Variants in COL6A6 observed in about 807,000 individuals in gnomAD.
The protein encoded by COL6A6 is collagen alpha-6(VI) chain.
Under a neutral mutation model 208.6 loss-of-function variants are expected in COL6A6, and 183 were observed. The observed-to-expected ratio is 0.88, with a 90% CI of 0.78 to 0.99. COL6A6 has a LOEUF of 0.99. Among genes scored for constraint, COL6A6 ranks in the 50% least tolerant of loss-of-function variants. COL6A6 has a pLI of 0.00. For missense variants in COL6A6, 2,816 were observed against 2,815.2 expected (o/e 1.00, Z -0.01); for synonymous variants, 973 against 1,011.8 (o/e 0.96, Z 0.73).
intron 31 of COL6A6, among the ~76,000 whole-genome samples, chr3:130,643,605 A>G (rs2065380521): frequency 6.6e-6 from 1 of 152,240 alleles, no homozygotes; most frequent in Non-Finnish European, 1.5e-5. Context: ...AATGCTGATT[A>G]GAATTTGTTT....
intron 36 of COL6A6, among the ~76,000 whole-genome samples, chr3:130,668,850 A>G (rs2066140237): frequency 6.6e-6 from 1 of 152,252 alleles, no homozygotes; most frequent in South Asian, 2.1e-4. Context: ...ACAGACAAAA[A>G]TTAGTAATGA....
At chr3:130,578,384 C>A (rs2063343416) in intron 8 of COL6A6, among the ~76,000 whole-genome samples, 1 of 152,064 alleles carries the variant, frequency 6.6e-6, no homozygotes, top group Non-Finnish European at 1.5e-5. Context: ...GAAAACAGAG[C>A]CTGAAGCAGA....
chr3:130,622,198 C>T (rs574087319), intron 24 of COL6A6, among the ~76,000 whole-genome samples: 12 of 140,956 alleles, frequency 8.5e-5, no homozygotes, highest in African/African-American at 1.3e-4. Context: ...TTCCTCCCCC[C>T]GCCTACCCCC....
intron 28 of COL6A6, among the ~76,000 whole-genome samples, chr3:130,641,172 G>GC (rs1434698966): frequency 6.6e-6 from 1 of 151,100 alleles, no homozygotes; most frequent in Non-Finnish European, 1.5e-5. Flanking sequence ...ATTACCTGTT[G>GC]CCTATTGCAG....
intron 13 of COL6A6, among the ~76,000 whole-genome samples, 172 bp from the exon 14 acceptor site, chr3:130,592,369 A>G (rs61423061): frequency 0.039 from 5,954 of 152,306 alleles, 372 homozygotes; most frequent in African/African-American, 0.13. Context: ...AGGGCTGTCT[A>G]TCATCAGGGT....
At chr3:130,608,196 C>T (rs76271261) in intron 21 of COL6A6, among the ~76,000 whole-genome samples, 4 of 152,290 alleles carry the variant, frequency 2.6e-5, no homozygotes, top group Non-Finnish European at 4.4e-5. Context: ...GACTACAGCA[C>T]ATTTCAAGTT....
Position 130,610,653 on chromosome 3 carries a change from C to G in COL6A6, c.4757C>G (p.Pro1586Arg). The change falls in exon 23 of 37, where the codon CCA becomes CGA. Residue 1586 changes from proline (P) to arginine (R), a missense_variant. Pro to Arg is a moderately radical substitution (Grantham distance 103). Coordinates refer to ENST00000358511, the MANE Select transcript of COL6A6 (RefSeq NM_001102608.3). ...GCTTTAATTCTATGTACTTAGGGCCCAAGAGGAGAGGCTGGTGTGAAAGGA... is the reference window on the plus strand; with the variant it reads ...GCTTTAATTCTATGTACTTAGGGCCGAAGAGGAGAGGCTGGTGTGAAAGGA... ...GSLGLKGPQG[P>R]RGEAGVKGEK... 6.3e-7 allele frequency: 1 copy of G among 1,587,152 alleles called. No homozygotes were observed. Among genetic ancestry groups the G allele is most frequent in the Non-Finnish European group, 8.6e-7 (1 of 1,165,614 alleles).
At position 130,593,089 on chromosome 3, in the gene COL6A6, G is replaced by T; in HGVS notation, c.4400G>T (p.Gly1467Val). 1.9e-6 allele frequency: 3 copies of T among 1,613,688 alleles called. No individual in the cohort carries two copies. The highest frequency in any genetic ancestry group is 2.5e-6 in the Non-Finnish European group (3 of 1,179,610). ...GAAGTTGGGGAAAATGGAATTGACG[G>T]ATTAAACGGAGAACAGGTAGAGCCT... is the stretch of plus-strand genomic sequence containing the variant. ...EGEVGENGID[G>V]LNGEQGDNGL... Residue 1467 changes from glycine to valine, a missense_variant, in exon 16 of 37, where the codon GGA becomes GTA. Coordinates refer to ENST00000358511, the MANE Select transcript of COL6A6 (RefSeq NM_001102608.3).
rs369106407 is a variant in COL6A6, at chr3:130,599,955, G to T, written c.4653+145G>T. 1.3e-3 allele frequency: 926 copies of T among 730,144 alleles called. 5 individuals are homozygous for T. Among genetic ancestry groups the T allele is most frequent in the Middle Eastern group, 5.8e-3 (15 of 2,602 alleles). 45.2% of individuals were successfully genotyped at this position (730,144 alleles called of 1,614,324 possible). A position where few individuals can be genotyped will look rare whatever the true frequency, so the allele number is the denominator to read the frequency against. On this transcript the variant is annotated intron_variant, in intron 20 of 36. Transcript: ENST00000358511. ...TAACTTATGACATCTCGCAGACCAGGGCTGGCAAAGGACTTGGGAAAGCCC... is the reference window on the plus strand; with the variant it reads ...TAACTTATGACATCTCGCAGACCAGTGCTGGCAAAGGACTTGGGAAAGCCC...
At chr3:130,612,808 T>A (rs1466918947) in intron 23 of COL6A6, among the ~76,000 whole-genome samples, 1 of 152,196 alleles carries the variant, frequency 6.6e-6, no homozygotes, top group Non-Finnish European at 1.5e-5. Context: ...TTCTTATGCC[T>A]GCTGGCCATG....
chr3:130,601,958 G>GA lies in COL6A6; in HGVS notation c.4653+2154dup, dbSNP rs1300670687. On this transcript the variant is annotated intron_variant, in intron 20 of 36. Coordinates refer to ENST00000358511, the MANE Select transcript of COL6A6 (RefSeq NM_001102608.3). ...CTTCAAAACTAACTGCCATAGTCCTGAAAAAACTGGTGAGCAAAATCCAGG... is the reference window on the plus strand; with the variant it reads ...CTTCAAAACTAACTGCCATAGTCCTGAAAAAAACTGGTGAGCAAAATCCAGG... Among the ~76,000 whole-genome samples, 53 of 152,266 alleles carry GA rather than the reference G, an allele frequency of 3.5e-4. No homozygotes were observed. In the East Asian group the frequency reaches 4.6e-3, roughly 13 times the overall value.
chr3:130,555,601 T>C (rs2062750060), intron 1 of COL6A6, among the ~76,000 whole-genome samples: 1 of 152,226 alleles, frequency 6.6e-6, no homozygotes, highest in Non-Finnish European at 1.5e-5. Flanking sequence ...TTCCTAATTT[T>C]AAAGAGAATA....
At position 130,649,534 on chromosome 3, in the gene COL6A6, A is replaced by G; in HGVS notation, c.5705A>G (p.Asn1902Ser). ...EIIPVVITFS[N>S]VPSVRRAFAI... ...ATTCCCGTGGTGATCACTTTCAGCA[A>G]CGTGCCCTCGGTCAGGCGCGCATTT... is the stretch of plus-strand genomic sequence containing the variant. Residue 1902 changes from asparagine (N) to serine (S), a missense_variant, in exon 33 of 37, where the codon AAC becomes AGC. Asn to Ser is a conservative substitution (Grantham distance 46). Coordinates refer to ENST00000358511, the MANE Select transcript of COL6A6 (RefSeq NM_001102608.3). 2 of 1,597,874 alleles carry G rather than the reference A, an allele frequency of 1.3e-6. No individual in the cohort carries two copies. Among genetic ancestry groups the G allele is most frequent in the Non-Finnish European group, 1.7e-6 (2 of 1,171,620 alleles).
chr3:130,622,015 C>A, intron 24 of COL6A6, 132 bp downstream of exon 24: 1 of 704,864 alleles, frequency 1.4e-6, no homozygotes, highest in Non-Finnish European at 2.4e-6. Flanking sequence ...TGGCTTGATT[C>A]TTAGAGAGCC....
chr3:130,606,233 G>A (rs1370212024), intron 20 of COL6A6, among the ~76,000 whole-genome samples: 1 of 152,112 alleles, frequency 6.6e-6, no homozygotes, highest in Non-Finnish European at 1.5e-5. Context: ...AAATGTCATG[G>A]TCTCTTGATT....
chr3:130,610,480 A>G (rs2064322744), intron 22 of COL6A6, among the ~76,000 whole-genome samples, 169 bp from the exon 23 acceptor site: 1 of 152,210 alleles, frequency 6.6e-6, no homozygotes, highest in African/African-American at 2.4e-5. Context: ...ATATTCCTGC[A>G]CAAATGAGAA....
chr3:130,521,966 A>G lies in COL6A6; in HGVS notation c.-32+4569A>G, dbSNP rs144567206. The stretch of plus-strand genomic sequence containing the variant: ...CTCTGTCTCACTTCTCCACTCCTTT[A>G]CCAGGAGTTACCTCCCAAATAAACT... On this transcript the variant is annotated intron_variant, in intron 1 of 36. Coordinates refer to ENST00000358511, the MANE Select transcript of COL6A6 (RefSeq NM_001102608.3). 4.6e-5 allele frequency among the ~76,000 whole-genome samples: 7 copies of G among 152,152 alleles called. No individual in the cohort carries two copies. The East Asian group carries it at 1.4e-3, about 29-fold the overall frequency.
At position 130,570,921 on chromosome 3, in the gene COL6A6, A is replaced by G; in HGVS notation, c.2505A>G (p.Leu835=). The G allele has an allele frequency of 6.2e-7, 1 of 1,613,906 alleles. No homozygotes were observed. Among genetic ancestry groups the G allele is most frequent in the Admixed American group, 1.7e-5 (1 of 60,008 alleles). ...YNIMKDFMIG[L]VKKADVGKNQ... is the part of the protein sequence containing the mutation. Reference sequence around the variant, plus strand: ...TCATGAAGGATTTTATGATTGGCTTAGTGAAAAAAGCTGATGTGGGCAAGA... The same window carrying G: ...TCATGAAGGATTTTATGATTGGCTTGGTGAAAAAAGCTGATGTGGGCAAGA... The change falls in exon 7 of 37, where the codon TTA becomes TTG. Residue 835 remains leucine (L), a synonymous_variant. Transcript: ENST00000358511.
At chr3:130,607,570 T>A (rs970074487) in intron 21 of COL6A6, among the ~76,000 whole-genome samples, 11 of 152,158 alleles carry the variant, frequency 7.2e-5, no homozygotes, top group African/African-American at 2.7e-4. Context: ...GACTCCAGAA[T>A]GTTAAAGATA....
Sources: gnomAD v4.1 joint callset for allele counts (sites outside exome capture counted in the v4.1 genomes callset) on GRCh38, gnomAD v4.1.1 for gene constraint, MANE v1.5 for transcripts, NCBI Gene and HGNC (gene_info 2026-07-23, HGNC 2026-07-21) for gene names.